Variants in ZBTB20 observed in about 807,000 individuals in gnomAD.
ZBTB20 encodes the protein zinc finger and BTB domain-containing protein 20.
A neutral mutation model predicts 56.9 loss-of-function variants in ZBTB20; 9 were observed. The observed-to-expected ratio is 0.16, with a 90% CI of 0.10 to 0.28. The LOEUF is 0.28. Among genes scored for constraint, ZBTB20 ranks in the 10% least tolerant of loss-of-function variants. The probability of loss-of-function intolerance (pLI) is 1.00; values close to 1 mark genes in which losing one functional copy is unlikely to be tolerated. For synonymous variants in ZBTB20, 417 were observed against 420.7 expected (o/e 0.99, Z 0.11); for missense variants, 655 against 1,003.0 (o/e 0.65, Z 4.69).
intron 7 of ZBTB20, among the ~76,000 whole-genome samples, chr3:114,483,499 C>A (rs1174983233): frequency 6.6e-6 from 1 of 151,860 alleles, no homozygotes; most frequent in Admixed American, 6.6e-5. Flanking sequence ...TACTATCAGA[C>A]CTTCTTTAAG....
At chr3:114,497,884 T>C (rs895816824) in intron 7 of ZBTB20, among the ~76,000 whole-genome samples, 5 of 152,274 alleles carry the variant, frequency 3.3e-5, no homozygotes, top group African/African-American at 4.8e-5. Flanking sequence ...TTTATAAGCA[T>C]AGTAGGAGCC....
chr3:114,923,510 G>T (rs2076036669), intron 3 of ZBTB20, among the ~76,000 whole-genome samples: 1 of 152,100 alleles, frequency 6.6e-6, no homozygotes. Context: ...GGGGAAACTG[G>T]ATACTCAAAT....
intron 5 of ZBTB20, among the ~76,000 whole-genome samples, chr3:114,713,285 C>T (rs2064221905): frequency 1.3e-5 from 2 of 152,048 alleles, no homozygotes; most frequent in South Asian, 4.1e-4. Flanking sequence ...TCTCAATTGA[C>T]GCATGAGCTC....
At chr3:114,418,549 T>A (rs2088814712) in intron 7 of ZBTB20, among the ~76,000 whole-genome samples, 2 of 149,628 alleles carry the variant, frequency 1.3e-5, no homozygotes, top group Admixed American at 1.3e-4. Context: ...GAGTTATAAA[T>A]GAACTAGAAG....
At chr3:114,436,382 T>G (rs2090517825) in intron 7 of ZBTB20, among the ~76,000 whole-genome samples, 1 of 152,140 alleles carries the variant, frequency 6.6e-6, no homozygotes, top group Non-Finnish European at 1.5e-5. Flanking sequence ...GCTGTTGAGT[T>G]TGGTGACCCA....
chr3:114,907,580 A>G (rs1395302567), intron 3 of ZBTB20, among the ~76,000 whole-genome samples: 2 of 151,894 alleles, frequency 1.3e-5, no homozygotes. Context: ...GCCTTTGTCA[A>G]TCAGAGGTGA....
At chr3:114,395,369 T>C (rs1416861566) in intron 7 of ZBTB20, among the ~76,000 whole-genome samples, 1 of 152,098 alleles carries the variant, frequency 6.6e-6, no homozygotes, top group Non-Finnish European at 1.5e-5. Context: ...ACATTTAACC[T>C]CTAGGTGGCT....
chr3:114,954,613 T>C (rs1044072368), intron 3 of ZBTB20, among the ~76,000 whole-genome samples: 2 of 152,210 alleles, frequency 1.3e-5, no homozygotes, highest in Non-Finnish European at 2.9e-5. Flanking sequence ...TTTTTTACTT[T>C]AAGAAGGATT....
chr3:114,517,014 C>G (rs2046077737), intron 6 of ZBTB20, among the ~76,000 whole-genome samples: 1 of 152,196 alleles, frequency 6.6e-6, no homozygotes. Context: ...ATATTGGAAT[C>G]AGTTCTTTCA....
intron 7 of ZBTB20, among the ~76,000 whole-genome samples, chr3:114,444,318 G>GC (rs2091125699): frequency 6.6e-6 from 1 of 152,124 alleles, no homozygotes; most frequent in Non-Finnish European, 1.5e-5. Flanking sequence ...GGAGGTCTGG[G>GC]CAGCAGTGTT....
chr3:114,781,879 T>C (rs969283252), intron 5 of ZBTB20, among the ~76,000 whole-genome samples: 2 of 152,226 alleles, frequency 1.3e-5, no homozygotes, highest in African/African-American at 4.8e-5. Flanking sequence ...CCATGTAAGA[T>C]GTGACTTTCA....
rs569442381 is a variant in ZBTB20, at chr3:114,349,144, G to A, written c.1804+1130C>T. 4.7e-5 allele frequency among the ~76,000 whole-genome samples: 7 copies of A among 149,942 alleles called. No homozygotes were observed. In the South Asian group the frequency reaches 1.5e-3, roughly 32 times the overall value. ...CAGTCCGGGAGGTTGAGGCTGCAGT[G>A]AGCCGAGATCATGCTACTGCACTCC... On this transcript the variant is annotated intron_variant, in intron 11 of 11. Coordinates refer to ENST00000675478, the MANE Select transcript of ZBTB20 (RefSeq NM_001348800.3).
At chr3:114,434,831 G>A (rs1033397468) in intron 7 of ZBTB20, among the ~76,000 whole-genome samples, 23 of 152,036 alleles carry the variant, frequency 1.5e-4, no homozygotes, top group Non-Finnish European at 2.4e-4. Flanking sequence ...AGATTCAGGC[G>A]CATGGAAAAA....
intron 2 of ZBTB20, among the ~76,000 whole-genome samples, chr3:115,068,576 T>C (rs2082291377): frequency 6.6e-6 from 1 of 152,116 alleles, no homozygotes; most frequent in African/African-American, 2.4e-5. Flanking sequence ...TCCAATGCCA[T>C]GATAAGGCAC....
At chr3:114,531,682 A>C (rs1417030413) in intron 6 of ZBTB20, among the ~76,000 whole-genome samples, 1 of 152,194 alleles carries the variant, frequency 6.6e-6, no homozygotes, top group Non-Finnish European at 1.5e-5. Context: ...AAGTTTAAAA[A>C]ATGACCCTGG....
intron 7 of ZBTB20, among the ~76,000 whole-genome samples, chr3:114,419,717 A>T (rs2088953500): frequency 6.6e-6 from 1 of 152,182 alleles, no homozygotes; most frequent in Non-Finnish European, 1.5e-5. Context: ...ACCAAGAGGA[A>T]ACAATTATAC....
chr3:114,397,552 C>T (rs2086439710), intron 7 of ZBTB20, among the ~76,000 whole-genome samples: 1 of 150,728 alleles, frequency 6.6e-6, no homozygotes, highest in African/African-American at 2.4e-5. Context: ...TCTAATAGTA[C>T]TAGATTAATC....
intron 4 of ZBTB20, chr3:114,873,188 C>T (rs776448176): frequency 6.6e-6 from 1 of 152,062 alleles, no homozygotes; most frequent in East Asian, 1.9e-4. Flanking sequence ...GTGAGCTCCA[C>T]GAGGCCAGGT....
At chr3:114,570,610 C>T (rs1187124883) in intron 6 of ZBTB20, among the ~76,000 whole-genome samples, 1 of 151,986 alleles carries the variant, frequency 6.6e-6, no homozygotes, top group Non-Finnish European at 1.5e-5. Flanking sequence ...CAATATGGCT[C>T]CATAACCATT....
Sources: gnomAD v4.1 joint callset for allele counts (sites outside exome capture counted in the v4.1 genomes callset) on GRCh38, gnomAD v4.1.1 for gene constraint, MANE v1.5 for transcripts, NCBI Gene and HGNC (gene_info 2026-07-23, HGNC 2026-07-21) for gene names.